The following NRG3 variants were observed in gnomAD, a reference collection of about 807,000 sequenced individuals.
NRG3 encodes the protein neuregulin 3, also known as pro-neuregulin-3, membrane-bound isoform.
In NRG3, 31 loss-of-function variants were observed where a neutral mutation model predicts 66.9. The observed-to-expected ratio is 0.46, with a 90% CI of 0.35 to 0.63. The LOEUF (loss-of-function observed/expected upper bound fraction) is 0.63, where lower values mean the gene tolerates loss of function less well. Among genes scored for constraint, NRG3 ranks in the 20% least tolerant of loss-of-function variants. The pLI is 0.00. For synonymous variants in NRG3, 393 were observed against 359.4 expected (o/e 1.09, Z -1.06); for missense variants, 910 against 878.9 (o/e 1.04, Z -0.45).
intron 4 of NRG3, among the ~76,000 whole-genome samples, chr10:82,937,089 T>C (rs1164538233): frequency 6.6e-6 from 1 of 152,206 alleles, no homozygotes; most frequent in Non-Finnish European, 1.5e-5. Context: ...ACTACAACAC[T>C]CTTTTAATTC....
At chr10:82,032,430 G>T (rs2062613137) in intron 1 of NRG3, among the ~76,000 whole-genome samples, 1 of 151,784 alleles carries the variant, frequency 6.6e-6, no homozygotes, top group South Asian at 2.1e-4. Flanking sequence ...TGCTGCTTCA[G>T]TTAACAATGC....
intron 3 of NRG3, among the ~76,000 whole-genome samples, chr10:82,784,131 G>T (rs1321394780): frequency 6.6e-6 from 1 of 152,046 alleles, no homozygotes; most frequent in Non-Finnish European, 1.5e-5. Flanking sequence ...TTAATAAATG[G>T]TGCTGGGAAA....
chr10:82,667,995 G>A (rs769928149), intron 2 of NRG3, among the ~76,000 whole-genome samples: 12 of 152,126 alleles, frequency 7.9e-5, no homozygotes, highest in East Asian at 1.9e-4. Context: ...AAATTTATAC[G>A]TCAGTTTCTT....
chr10:81,956,437 A>G (rs929104812), intron 1 of NRG3, among the ~76,000 whole-genome samples: 4 of 152,216 alleles, frequency 2.6e-5, no homozygotes, highest in African/African-American at 9.6e-5. Flanking sequence ...GTGATGGTCC[A>G]TACACTAGGG....
chr10:82,753,706 T>C (rs941060876), intron 3 of NRG3, among the ~76,000 whole-genome samples: 4 of 152,080 alleles, frequency 2.6e-5, no homozygotes, highest in Admixed American at 2.6e-4. Context: ...CCCAGCACTT[T>C]GGGAGGCTGA....
At chr10:81,909,981 G>A (rs1844968104) in intron 1 of NRG3, among the ~76,000 whole-genome samples, 1 of 152,206 alleles carries the variant, frequency 6.6e-6, no homozygotes, top group Middle Eastern at 3.4e-3. Flanking sequence ...TGCTCTAAAA[G>A]TTATATTGAA....
chr10:82,452,250 C>T (rs1024760181), intron 2 of NRG3, among the ~76,000 whole-genome samples: 5 of 152,142 alleles, frequency 3.3e-5, no homozygotes, highest in Non-Finnish European at 5.9e-5. Flanking sequence ...ATTCTGTTTA[C>T]GACTATGAAG....
chr10:81,936,869 TAATC>T (rs1847923684), intron 1 of NRG3, among the ~76,000 whole-genome samples: 1 of 152,158 alleles, frequency 6.6e-6, no homozygotes, highest in African/African-American at 2.4e-5. Flanking sequence ...CATAAAAAAT[TAATC>T]ATCATGTCAT....
intron 1 of NRG3, among the ~76,000 whole-genome samples, chr10:82,195,026 C>G: frequency 6.6e-6 from 1 of 152,102 alleles, no homozygotes; most frequent in East Asian, 1.9e-4. Flanking sequence ...GGCCTACCCC[C>G]AAACCCCTTA....
rs149951557 is a variant in NRG3 at position 82,127,609 on chromosome 10, T to C, written c.824-231130T>C. 1.8e-3 allele frequency among the ~76,000 whole-genome samples: 270 copies of C among 152,148 alleles called. 1 individual carries two copies. The highest frequency in any genetic ancestry group is 6.1e-3 in the African/African-American group (252 of 41,560). ...GGCACAGATATTTGGCTAACTTCCTTGTAAATATGCACAGTAAACCTGAGT... is the reference window on the plus strand; with the variant it reads ...GGCACAGATATTTGGCTAACTTCCTCGTAAATATGCACAGTAAACCTGAGT... On this transcript the variant is annotated intron_variant, in intron 1 of 8. Transcript: ENST00000372141.
intron 2 of NRG3, among the ~76,000 whole-genome samples, chr10:82,566,659 G>C (rs997821907): frequency 2.0e-5 from 3 of 151,944 alleles, no homozygotes; most frequent in African/African-American, 7.2e-5. Context: ...GATTTGAAAA[G>C]AAAAGACCAT....
intron 2 of NRG3, among the ~76,000 whole-genome samples, chr10:82,378,857 C>T (rs1414384225): frequency 3.9e-5 from 6 of 152,118 alleles, no homozygotes; most frequent in East Asian, 1.9e-4. Flanking sequence ...AGGCATGAGC[C>T]GCCGCGCCTG....
At chr10:82,240,834 G>T (rs964807831) in intron 1 of NRG3, among the ~76,000 whole-genome samples, 1 of 151,990 alleles carries the variant, frequency 6.6e-6, no homozygotes, top group African/African-American at 2.4e-5. Context: ...TCCCTCATTT[G>T]CTCAGTGCTC....
chr10:82,909,165 G>A (rs936540410), intron 4 of NRG3, among the ~76,000 whole-genome samples: 1 of 152,222 alleles, frequency 6.6e-6, no homozygotes, highest in African/African-American at 2.4e-5. Flanking sequence ...ATCTGTTAAT[G>A]TCACACTAAA....
chr10:82,788,384 AC>A (rs1386803435), intron 3 of NRG3, among the ~76,000 whole-genome samples: 1 of 152,192 alleles, frequency 6.6e-6, no homozygotes, highest in African/African-American at 2.4e-5. Flanking sequence ...AGCCTCACCA[AC>A]ATGGTGAAAC....
chr10:82,162,872 G>A (rs2071711269), intron 1 of NRG3, among the ~76,000 whole-genome samples: 2 of 152,116 alleles, frequency 1.3e-5, no homozygotes, highest in Admixed American at 1.3e-4. Context: ...TAGTCCTTTA[G>A]CTAAACAGTG....
chr10:82,037,156 A>G (rs1431479007), intron 1 of NRG3, among the ~76,000 whole-genome samples: 1 of 152,152 alleles, frequency 6.6e-6, no homozygotes, highest in Non-Finnish European at 1.5e-5. Context: ...CACAGACATC[A>G]CTTCTTCATC....
intron 4 of NRG3, among the ~76,000 whole-genome samples, chr10:82,936,970 T>C (rs1848132277): frequency 6.6e-6 from 1 of 152,106 alleles, no homozygotes; most frequent in Non-Finnish European, 1.5e-5. Flanking sequence ...TTGAATATTA[T>C]CAGCACTGAT....
intron 1 of NRG3, among the ~76,000 whole-genome samples, chr10:82,283,375 A>AT (rs1404429488): frequency 1.3e-5 from 2 of 152,210 alleles, no homozygotes; most frequent in African/African-American, 2.4e-5. Flanking sequence ...TAGTGATCAT[A>AT]TTCACATATG....
Sources: gnomAD v4.1 joint callset for allele counts (sites outside exome capture counted in the v4.1 genomes callset) on GRCh38, gnomAD v4.1.1 for gene constraint, MANE v1.5 for transcripts, NCBI Gene and HGNC (gene_info 2026-07-23, HGNC 2026-07-21) for gene names.